The following CCDC160 variants were observed in gnomAD, a reference collection of about 807,000 sequenced individuals.
CCDC160 encodes coiled-coil domain-containing protein 160.
For synonymous variants in CCDC160, 94 were observed against 79.4 expected (o/e 1.18, Z -0.98); for missense variants, 227 against 215.6 (o/e 1.05, Z -0.33).
intron 1 of CCDC160, among the ~76,000 whole-genome samples, chrX:134,240,869 A>G (rs2077025677): frequency 9.4e-6 from 1 of 106,379 alleles, no homozygotes; most frequent in Admixed American, 1.0e-4. Context: ...GTAGACACGC[A>G]TCTCACTATG....
intron 1 of CCDC160, among the ~76,000 whole-genome samples, chrX:134,238,367 CTTTTT>C (rs1161935568): frequency 1.3e-5 from 1 of 75,536 alleles, no homozygotes; most frequent in Non-Finnish European, 2.5e-5. Flanking sequence ...TATCACTTGT[CTTTTT>C]TTTTTTTTTT....
intron 1 of CCDC160, among the ~76,000 whole-genome samples, chrX:134,239,859 G>A (rs962957079): frequency 8.9e-6 from 1 of 111,995 alleles, no homozygotes; most frequent in African/African-American, 3.2e-5. Flanking sequence ...TCTGAGGCTT[G>A]CAGTTCTAAA....
chrX:134,240,892 G>C (rs1467517968), intron 1 of CCDC160, among the ~76,000 whole-genome samples: 1 of 107,008 alleles, frequency 9.3e-6, no homozygotes, highest in Non-Finnish European at 1.9e-5. Flanking sequence ...GCCCAGGCTG[G>C]TTTTGAACTC....
chrX:134,245,231 A>T (rs1412309830), exon 2 of CCDC160: 6 of 1,193,090 alleles, frequency 5.0e-6, no homozygotes, highest in Non-Finnish European at 5.6e-6. Flanking sequence ...ATGTCTCCAA[A>T]ACTTTGCCTG....
At chrX:134,243,046 T>C (rs2077032241) in intron 1 of CCDC160, among the ~76,000 whole-genome samples, 1 of 111,955 alleles carries the variant, frequency 8.9e-6, no homozygotes, top group Admixed American at 9.5e-5. Flanking sequence ...GAAACCAAGA[T>C]AATGATATTT....
chrX:134,238,207 C>T (rs1257933354), intron 1 of CCDC160, among the ~76,000 whole-genome samples: 10 of 110,615 alleles, frequency 9.0e-5, no homozygotes, highest in African/African-American at 2.3e-4. Context: ...AATAAAATTT[C>T]CTCATGATTC....
At chrX:134,245,792 C>T (rs202191071), downstream of CCDC160, 32 of 1,075,991 alleles carry the variant, frequency 3.0e-5, 1 homozygote, top group Non-Finnish European at 3.6e-5. Context: ...TTAAAAAAAT[C>T]CTTCCAGTAG....
At chrX:134,246,028 TGTGTGTAC>T, downstream of CCDC160, 2 of 234,114 alleles carry the variant, frequency 8.5e-6, no homozygotes, top group Admixed American at 6.6e-5. Flanking sequence ...TGTGTGTGTG[TGTGTGTAC>T]ACACACACAT....
At chrX:134,241,559 C>T (rs1193672879) in intron 1 of CCDC160, among the ~76,000 whole-genome samples, 1 of 112,293 alleles carries the variant, frequency 8.9e-6, no homozygotes, top group Non-Finnish European at 1.9e-5. Flanking sequence ...TAGACACATA[C>T]GCCTTAACAG....
downstream of CCDC160, among the ~76,000 whole-genome samples, chrX:134,246,587 T>G (rs1002724617): frequency 1.8e-5 from 2 of 112,036 alleles, no homozygotes; most frequent in Non-Finnish European, 3.8e-5. Flanking sequence ...TGTGGTGAAG[T>G]TGGATGTCAT....
intron 1 of CCDC160, among the ~76,000 whole-genome samples, chrX:134,239,199 G>A (rs2077019893): frequency 8.9e-6 from 1 of 112,005 alleles, no homozygotes; most frequent in Admixed American, 9.5e-5. Flanking sequence ...GCTACTATGT[G>A]TCAGGTAACA....
chrX:134,245,640 C>A (rs769143596), exon 2 of CCDC160: 23 of 1,207,435 alleles, frequency 1.9e-5, no homozygotes, highest in Middle Eastern at 2.3e-4. Context: ...AGCTCAGTGT[C>A]ATCAAGAATG....
At chrX:134,240,090 A>C (rs991466917) in intron 1 of CCDC160, among the ~76,000 whole-genome samples, 1 of 111,927 alleles carries the variant, frequency 8.9e-6, no homozygotes, top group African/African-American at 3.3e-5. Context: ...AATCTCCCCT[A>C]TAGGGGGCAG....
intron 1 of CCDC160, among the ~76,000 whole-genome samples, chrX:134,242,680 A>G (rs2077031202): frequency 9.0e-6 from 1 of 110,765 alleles, no homozygotes; most frequent in Non-Finnish European, 1.9e-5. Flanking sequence ...ATTAATGAAA[A>G]GAGTTTTTTA....
rs144012582 is a variant in CCDC160 at position 134,240,867 on chromosome X, G to T, written c.-25+3524G>T. On this transcript the variant is annotated intron_variant, in intron 1 of 1. Transcript: ENST00000370809. ...TTTTGTTTTTAATTTTTGTAGACAC[G>T]CATCTCACTATGTTGCCCAGGCTGG... Among the ~76,000 whole-genome samples, 7 of 106,272 alleles carry T rather than the reference G, an allele frequency of 6.6e-5. No individual in the cohort carries two copies. The East Asian group carries it at 1.2e-3, about 18-fold the overall frequency. 92.3% of individuals were successfully genotyped at this position (106,272 alleles called of 115,157 possible). A position where few individuals can be genotyped will look rare whatever the true frequency, so the allele number is the denominator to read the frequency against.
intron 1 of CCDC160, among the ~76,000 whole-genome samples, chrX:134,242,522 A>T (rs1256094399): frequency 9.1e-6 from 1 of 110,100 alleles, no homozygotes; most frequent in Non-Finnish European, 1.9e-5. Flanking sequence ...ACACCAGGAA[A>T]TTATACAGAG....
intron 1 of CCDC160, 61 bp downstream of exon 2, chrX:134,238,901 C>A (rs1367591354): frequency 9.0e-6 from 1 of 111,291 alleles, no homozygotes; most frequent in Non-Finnish European, 1.9e-5. Context: ...GAGCCTTACG[C>A]AACATAACTC....
At chrX:134,244,958 G>T (rs373791915) in exon 2 of CCDC160, 1 of 1,197,483 alleles carries the variant, frequency 8.4e-7, no homozygotes, top group Non-Finnish European at 1.1e-6. Context: ...TTGTCCAGTA[G>T]AAAGTTTCAG....
intron 1 of CCDC160, among the ~76,000 whole-genome samples, chrX:134,243,946 G>A (rs2077034832): frequency 9.0e-6 from 1 of 111,012 alleles, no homozygotes; most frequent in Non-Finnish European, 1.9e-5. Flanking sequence ...CATTAAGGAT[G>A]TACAGCTTTG....
Sources: gnomAD v4.1 joint callset for allele counts (sites outside exome capture counted in the v4.1 genomes callset) on GRCh38, gnomAD v4.1.1 for gene constraint, MANE v1.5 for transcripts, NCBI Gene and HGNC (gene_info 2026-07-23, HGNC 2026-07-21) for gene names.